SDK2: variants seen among roughly 807,000 people sequenced by gnomAD.
SDK2 encodes sidekick cell adhesion molecule 2, also known as protein sidekick-2.
In SDK2, 105 loss-of-function variants were observed where a neutral mutation model predicts 253.9. The observed-to-expected ratio is 0.41, with a 90% CI of 0.35 to 0.49. The LOEUF (loss-of-function observed/expected upper bound fraction) is 0.49, where lower values mean the gene tolerates loss of function less well. Among genes scored for constraint, SDK2 ranks in the 20% least tolerant of loss-of-function variants. SDK2 has a pLI of 0.06. For missense variants in SDK2, 2,608 were observed against 3,003.0 expected (o/e 0.87, Z 3.07); for synonymous variants, 1,249 against 1,234.9 (o/e 1.01, Z -0.24).
chr17:73,605,937 C>T (rs1486580721), intron 1 of SDK2, among the ~76,000 whole-genome samples: 1 of 151,970 alleles, frequency 6.6e-6, no homozygotes, highest in Non-Finnish European at 1.5e-5. Context: ...CCCAGCAAGA[C>T]CACAGCAAAC....
At chr17:73,557,022 G>A (rs1228410800) in intron 1 of SDK2, among the ~76,000 whole-genome samples, 1 of 152,242 alleles carries the variant, frequency 6.6e-6, no homozygotes, top group Non-Finnish European at 1.5e-5. Flanking sequence ...CCACGCAGCA[G>A]CTAGAAAGTG....
intron 1 of SDK2, among the ~76,000 whole-genome samples, chr17:73,577,252 TA>T (rs1305090825): frequency 1.3e-5 from 2 of 152,200 alleles, no homozygotes; most frequent in Non-Finnish European, 2.9e-5. Context: ...AAGAGACCTG[TA>T]AAGTCTTCAG....
chr17:73,426,280 T>C (rs1051508147), intron 12 of SDK2, among the ~76,000 whole-genome samples: 1 of 139,600 alleles, frequency 7.2e-6, no homozygotes, highest in Admixed American at 7.8e-5. Flanking sequence ...TTGGCCAAGC[T>C]GGTCTTGAAC....
chr17:73,406,013 G>A (rs890177083), intron 18 of SDK2, among the ~76,000 whole-genome samples: 1 of 152,014 alleles, frequency 6.6e-6, no homozygotes, highest in South Asian at 2.1e-4. Context: ...ATGAGCCACC[G>A]TGCCCGGCCC....
rs766692489 is a variant in SDK2, at chr17:73,348,687, G to A, written c.6077C>T (p.Ser2026Leu). 1.2e-6 allele frequency: 2 copies of A among 1,611,326 alleles called. No individual in the cohort carries two copies. Among genetic ancestry groups the A allele is most frequent in the East Asian group, 2.2e-5 (1 of 44,878 alleles). Residue 2026 changes from serine to leucine, a missense_variant, in exon 44 of 45, where the codon TCG (serine) becomes TTG (leucine). Coordinates refer to ENST00000392650, the MANE Select transcript of SDK2 (RefSeq NM_001144952.2). ...PRPSPGSLHY[S>L]DEDVTKYNDL... is the part of the protein sequence containing the mutation. ...GTTGTATTTGGTGACATCCTCATCC[G>A]AGTAGTGCAGGCTGCCTGGGCTGGG... is the stretch of plus-strand genomic sequence containing the variant.
intron 1 of SDK2, among the ~76,000 whole-genome samples, chr17:73,558,438 G>C (rs1179072950): frequency 6.7e-6 from 1 of 149,960 alleles, no homozygotes; most frequent in Non-Finnish European, 1.5e-5. Context: ...GGGAGGAAGG[G>C]AGGGAGGGGA....
At chr17:73,384,064 T>TC (rs2062853313) in intron 32 of SDK2, 53 bp from the exon 33 acceptor site, 1 of 1,572,138 alleles carries the variant, frequency 6.4e-7, no homozygotes, top group African/African-American at 1.3e-5. Context: ...CACCCACCCC[T>TC]CCCCACGCTC....
chr17:73,414,567 G>T, intron 18 of SDK2, 77 bp downstream of exon 18: 2 of 1,101,142 alleles, frequency 1.8e-6, no homozygotes, highest in African/African-American at 1.5e-5. Flanking sequence ...ATTTCCTCCT[G>T]CCCACTCTGT....
At chr17:73,603,657 C>T (rs1270271612) in intron 1 of SDK2, among the ~76,000 whole-genome samples, 1 of 152,194 alleles carries the variant, frequency 6.6e-6, no homozygotes. Flanking sequence ...TTTCAGTGAT[C>T]CAGTTATAGC....
chr17:73,585,034 C>A (rs1000801789), intron 1 of SDK2, among the ~76,000 whole-genome samples: 4 of 152,224 alleles, frequency 2.6e-5, no homozygotes, highest in Non-Finnish European at 5.9e-5. Flanking sequence ...AGGGCTTGGT[C>A]CTGCTCTCTG....
intron 1 of SDK2, among the ~76,000 whole-genome samples, chr17:73,585,278 T>C (rs78732001): frequency 0.011 from 1,684 of 152,296 alleles, 22 homozygotes; most frequent in South Asian, 0.034. Context: ...GCGCTTCTCG[T>C]AGTGGGTGGC....
In SDK2 at chr17:73,614,321, G is replaced by A. The variant is rs143671673; in HGVS notation, c.64+29704C>T. ...CTCTTCCAGAAAGCTTCTCGAACCC[G>A]AGGATGGACCACGTTTCCTGCCCTG... On this transcript the variant is annotated intron_variant, in intron 1 of 44. Coordinates refer to ENST00000392650, the MANE Select transcript of SDK2 (RefSeq NM_001144952.2). 1.5e-4 allele frequency among the ~76,000 whole-genome samples: 23 copies of A among 152,234 alleles called. No homozygotes were observed. The East Asian group carries it at 3.9e-3, about 26-fold the overall frequency.
chr17:73,574,077 T>A (rs1009717141), intron 1 of SDK2, among the ~76,000 whole-genome samples: 5 of 152,082 alleles, frequency 3.3e-5, no homozygotes, highest in Non-Finnish European at 7.4e-5. Flanking sequence ...TTCCTCACTG[T>A]CTGCCTGACC....
intron 1 of SDK2, among the ~76,000 whole-genome samples, chr17:73,626,791 C>T (rs2046207843): frequency 6.6e-6 from 1 of 152,078 alleles, no homozygotes; most frequent in South Asian, 2.1e-4. Flanking sequence ...GGGGACAGGC[C>T]TGAGGTTGTC....
At chr17:73,589,743 A>G (rs1313747123) in intron 1 of SDK2, among the ~76,000 whole-genome samples, 2 of 152,244 alleles carry the variant, frequency 1.3e-5, no homozygotes, top group Non-Finnish European at 2.9e-5. Flanking sequence ...GGCAGACAAG[A>G]GAGCAATAAG....
In SDK2 at chr17:73,365,918, G is replaced by C. The variant is rs141142275; in HGVS notation, c.5168-523C>G. Reference sequence around the variant, plus strand: ...GTCACAGAGGCCCCACGCAGTCAGGGGGAGCCACGCCAAGGACAGTCAGAC... The same window carrying C: ...GTCACAGAGGCCCCACGCAGTCAGGCGGAGCCACGCCAAGGACAGTCAGAC... On this transcript the variant is annotated intron_variant, in intron 37 of 44. Transcript: ENST00000392650. Among the ~76,000 whole-genome samples, 1,093 of 152,192 alleles carry C rather than the reference G, an allele frequency of 7.2e-3. 14 individuals carry two copies. The highest frequency in any genetic ancestry group is 0.025 in the African/African-American group (1,038 of 41,520).
At chr17:73,405,028 A>G (rs2063059459) in intron 18 of SDK2, among the ~76,000 whole-genome samples, 2 of 151,466 alleles carry the variant, frequency 1.3e-5, no homozygotes, top group African/African-American at 4.9e-5. Context: ...GGATAGAAAC[A>G]GCTGCCTTGC....
chr17:73,487,583 G>C (rs1258819296), intron 2 of SDK2, among the ~76,000 whole-genome samples: 1 of 152,200 alleles, frequency 6.6e-6, no homozygotes, highest in Non-Finnish European at 1.5e-5. Flanking sequence ...CCTGGGAGCG[G>C]GTCAGAAATG....
At chr17:73,602,844 A>T (rs1207098436) in intron 1 of SDK2, among the ~76,000 whole-genome samples, 2 of 152,066 alleles carry the variant, frequency 1.3e-5, no homozygotes, top group African/African-American at 2.4e-5. Flanking sequence ...GTCGTGCCTC[A>T]GCTTCCCAAG....
Sources: allele counts gnomAD v4.1 joint callset (sites outside exome capture counted in the v4.1 genomes callset), GRCh38; gene constraint gnomAD v4.1.1; transcripts MANE v1.5; gene names NCBI Gene and HGNC (gene_info 2026-07-23, HGNC 2026-07-21).